E2F3: variants seen among roughly 807,000 people sequenced by gnomAD.
The protein encoded by E2F3 is transcription factor E2F3.
A neutral mutation model predicts 44.4 loss-of-function variants in E2F3; 11 were observed. The observed-to-expected ratio is 0.25, with a 90% confidence interval of 0.16 to 0.41. E2F3 has a LOEUF of 0.41. Among genes scored for constraint, E2F3 ranks in the 10% least tolerant of loss-of-function variants. E2F3 has a pLI of 1.00. For synonymous variants in E2F3, 249 were observed against 253.0 expected (o/e 0.98, Z 0.15); for missense variants, 487 against 583.6 (o/e 0.83, Z 1.70).
chr6:20,481,460 G>A, intron 3 of E2F3, 35 bp downstream of exon 3: 1 of 1,598,966 alleles, frequency 6.3e-7, no homozygotes, highest in Non-Finnish European at 8.6e-7. Context: ...CCGGCTCTGA[G>A]GGGGTCGTTT....
chr6:20,455,779 T>C (rs919395181), intron 1 of E2F3, among the ~76,000 whole-genome samples: 5 of 152,082 alleles, frequency 3.3e-5, no homozygotes, highest in Non-Finnish European at 5.9e-5. Flanking sequence ...AGTGTGGTAA[T>C]AGGGTGGAGT....
chr6:20,442,167 T>G (rs1045454770), intron 1 of E2F3, among the ~76,000 whole-genome samples: 19 of 152,176 alleles, frequency 1.2e-4, no homozygotes, highest in Admixed American at 3.9e-4. Flanking sequence ...CATGCCAGCC[T>G]GTTTATGAGG....
At chr6:20,450,483 T>C (rs1323966106) in intron 1 of E2F3, among the ~76,000 whole-genome samples, 2 of 152,206 alleles carry the variant, frequency 1.3e-5, no homozygotes, top group South Asian at 4.1e-4. Context: ...TTTGTTTTTT[T>C]CTTGTAAATT....
chr6:20,447,246 G>A (rs1760976773), intron 1 of E2F3, among the ~76,000 whole-genome samples: 1 of 152,146 alleles, frequency 6.6e-6, no homozygotes, highest in African/African-American at 2.4e-5. Context: ...GGGGGGAAGG[G>A]CACTGCCTTT....
At chr6:20,463,378 C>A (rs1761591713) in intron 1 of E2F3, among the ~76,000 whole-genome samples, 1 of 152,118 alleles carries the variant, frequency 6.6e-6, no homozygotes, top group Non-Finnish European at 1.5e-5. Flanking sequence ...GTGAAGTCCC[C>A]TATCTGTAAA....
At chr6:20,425,265 G>A (rs180829205) in intron 1 of E2F3, among the ~76,000 whole-genome samples, 3 of 152,120 alleles carry the variant, frequency 2.0e-5, no homozygotes, top group East Asian at 3.9e-4. Context: ...ACCCTTCCTC[G>A]GCTCTTTTCT....
Position 20,402,564 on chromosome 6 carries a change from G to T in E2F3, c.332G>T (p.Gly111Val). The change falls in exon 1 of 7, where the codon GGG becomes GTG. Residue 111 changes from glycine (G) to valine (V), a missense_variant. By Grantham distance (109) the Gly-to-Val change is moderately radical. Coordinates refer to ENST00000346618, the MANE Select transcript of E2F3 (RefSeq NM_001949.5). The surrounding 1 kb of genome is among the most constrained non-coding windows in gnomAD (Gnocchi z 5.6). ...CCGCACGGACCCTCCAGCAGAGCCG[G>T]GCTGCTGCAGCAGCCACCAGCGCTG... ...TTPHGPSSRA[G>V]LLQQPPALGR... 2 of 1,549,628 alleles carry T rather than the reference G, an allele frequency of 1.3e-6. No homozygotes were observed. Among genetic ancestry groups the T allele is most frequent in the African/African-American group, 2.8e-5 (2 of 70,528 alleles).
chr6:20,455,620 A>G (rs1445983778), intron 1 of E2F3, among the ~76,000 whole-genome samples: 2 of 152,192 alleles, frequency 1.3e-5, no homozygotes, highest in Non-Finnish European at 2.9e-5. Context: ...GGCTGAAGAG[A>G]GAGTCGAAGA....
chr6:20,493,099 T>C lies in E2F3; in HGVS notation c.*2669T>C, dbSNP rs2127631341. 1 of 220,532 alleles carries C rather than the reference T, an allele frequency of 4.5e-6. No individual in the cohort carries two copies. The highest frequency in any genetic ancestry group is 6.7e-5 in the East Asian group (1 of 14,986). 13.7% of individuals were successfully genotyped at this position (220,532 alleles called of 1,614,324 possible). A position where few individuals can be genotyped will look rare whatever the true frequency, so the allele number is the denominator to read the frequency against. Reference sequence around the variant, plus strand: ...CAATCGTTTTATTTAAGTTGATATGTAGTCTACTCACATTTTCATTATTTA... The same window carrying C: ...CAATCGTTTTATTTAAGTTGATATGCAGTCTACTCACATTTTCATTATTTA... On this transcript the variant is annotated 3_prime_UTR_variant, in exon 7 of 7. Coordinates refer to ENST00000346618, the MANE Select transcript of E2F3 (RefSeq NM_001949.5).
chr6:20,486,601 C>T, intron 4 of E2F3, 88 bp from the exon 5 acceptor site: 4 of 772,696 alleles, frequency 5.2e-6, no homozygotes, highest in Middle Eastern at 4.8e-4. Context: ...TCATAAAATA[C>T]TTTAAAATAT....
chr6:20,417,642 A>C (rs1479922604), intron 1 of E2F3, among the ~76,000 whole-genome samples: 1 of 151,432 alleles, frequency 6.6e-6, no homozygotes, highest in Non-Finnish European at 1.5e-5. Context: ...TTATTTCTGC[A>C]CTAGCCCAAA....
chr6:20,482,342 G>GTT lies in E2F3; in HGVS notation c.726-406_726-405dup, dbSNP rs71734781. ...GCTTTTTTGGATGGGTTGTTTTTTT[G>GTT]TTTTTTTTTTTTTTTAATTTTGAAC... is the stretch of plus-strand genomic sequence containing the variant. On this transcript the variant is annotated intron_variant, in intron 3 of 6. Coordinates refer to ENST00000346618, the MANE Select transcript of E2F3 (RefSeq NM_001949.5). 4.8e-3 allele frequency among the ~76,000 whole-genome samples: 619 copies of GTT among 130,118 alleles called. 3 individuals are homozygous for GTT. The highest frequency in any genetic ancestry group is 0.014 in the African/African-American group (496 of 35,138). The allele number at this position is 130,118 out of a possible 152,430, so 85.4% of individuals were successfully genotyped here.
At chr6:20,419,383 G>C (rs1759949764) in intron 1 of E2F3, among the ~76,000 whole-genome samples, 1 of 152,090 alleles carries the variant, frequency 6.6e-6, no homozygotes, top group Non-Finnish European at 1.5e-5. Flanking sequence ...TGATAGATTA[G>C]ATAGGTCCAA....
intron 1 of E2F3, among the ~76,000 whole-genome samples, chr6:20,422,227 T>G (rs556046413): frequency 2.0e-5 from 3 of 152,348 alleles, no homozygotes; most frequent in East Asian, 3.9e-4. Flanking sequence ...GCTTCTTTCC[T>G]TAAAGGTCGT....
chr6:20,473,853 A>ACTT (rs2127616307), intron 1 of E2F3, among the ~76,000 whole-genome samples: 1 of 152,316 alleles, frequency 6.6e-6, no homozygotes, highest in East Asian at 1.9e-4. Flanking sequence ...TCTTTACCCC[A>ACTT]GACACTTGAG....
In E2F3 at chr6:20,473,757, C is replaced by T. The variant is rs545585049; in HGVS notation, c.394-6089C>T. 1.1e-4 allele frequency among the ~76,000 whole-genome samples: 16 copies of T among 152,260 alleles called. No individual in the cohort carries two copies. In the South Asian group the frequency reaches 3.3e-3, roughly 32 times the overall value. On this transcript the variant is annotated intron_variant, in intron 1 of 6. Coordinates refer to ENST00000346618, the MANE Select transcript of E2F3 (RefSeq NM_001949.5). Reference sequence around the variant, plus strand: ...CGCACCCTACTGGCCTAATAATGCCCAGTGAAAAGAACCCAGTACTTTCCC... The same window carrying T: ...CGCACCCTACTGGCCTAATAATGCCTAGTGAAAAGAACCCAGTACTTTCCC...
At chr6:20,404,338 A>C (rs1759420800) in intron 1 of E2F3, among the ~76,000 whole-genome samples, 1 of 152,064 alleles carries the variant, frequency 6.6e-6, no homozygotes, top group African/African-American at 2.4e-5. Context: ...TGTGGCCCGG[A>C]GGTCTCCCCT....
intron 1 of E2F3, among the ~76,000 whole-genome samples, chr6:20,460,937 A>C (rs1357232660): frequency 1.6e-5 from 2 of 121,988 alleles, no homozygotes; most frequent in African/African-American, 3.1e-5. Flanking sequence ...TGGAAGTTCC[A>C]GTGAGCCGAG....
chr6:20,455,674 GGGCAC>G (rs879525786), intron 1 of E2F3, among the ~76,000 whole-genome samples: 3,164 of 152,302 alleles, frequency 0.021, 64 homozygotes, highest in African/African-American at 0.052. Context: ...CCTCAAGACA[GGGCAC>G]TGTTCTTAAT....
Sources: allele counts gnomAD v4.1 joint callset (sites outside exome capture counted in the v4.1 genomes callset), GRCh38; gene constraint gnomAD v4.1.1; non-coding constraint Gnocchi (gnomAD v3.1); transcripts MANE v1.5; gene names NCBI Gene and HGNC (gene_info 2026-07-23, HGNC 2026-07-21).